Variants in TLE1 observed in about 807,000 individuals in gnomAD.
TLE1 encodes TLE family member 1, transcriptional corepressor, also known as transducin-like enhancer protein 1.
In TLE1, 21 loss-of-function variants were observed where a neutral mutation model predicts 89.8. That is an observed-to-expected ratio of 0.23 (90% confidence interval 0.17 to 0.34). The LOEUF (loss-of-function observed/expected upper bound fraction) is 0.34, where lower values mean the gene tolerates loss of function less well. Among genes scored for constraint, TLE1 ranks in the 10% least tolerant of loss-of-function variants. The pLI, the probability that TLE1 is intolerant of heterozygous loss-of-function variation, is 1.00. For synonymous variants in TLE1, 447 were observed against 407.6 expected (o/e 1.10, Z -1.16); for missense variants, 795 against 1,031.2 (o/e 0.77, Z 3.14).
rs35060460 is a variant in TLE1, at chr9:81,675,698, G to GTTTTTTTTTTTTTTTTTTT, written c.234+9977_234+9978insAAAAAAAAAAAAAAAAAAA. ...AATTTTAGCATAAGGACTCACACTA[G>GTTTTTTTTTTTTTTTTTTT]TTTTTTTTTGTTTTTTTTTTTGAGA... On this transcript the variant is annotated intron_variant, in intron 4 of 19. Transcript: ENST00000376499. 3.8e-3 allele frequency among the ~76,000 whole-genome samples: 486 copies of GTTTTTTTTTTTTTTTTTTT among 129,498 alleles called. 76 individuals carry two copies. Among genetic ancestry groups the GTTTTTTTTTTTTTTTTTTT allele is most frequent in the African/African-American group, 0.012 (372 of 30,308 alleles). 85.0% of individuals were successfully genotyped at this position (129,498 alleles called of 152,430 possible).
intron 5 of TLE1, among the ~76,000 whole-genome samples, chr9:81,652,943 T>TC (rs1438361877): frequency 3.9e-5 from 6 of 151,906 alleles, no homozygotes; most frequent in Non-Finnish European, 1.5e-5. Context: ...TTCTTTACCC[T>TC]CCACAAGGCA....
intron 15 of TLE1, among the ~76,000 whole-genome samples, chr9:81,592,405 G>T (rs72747234): frequency 0.076 from 11,556 of 152,254 alleles, 517 homozygotes; most frequent in Middle Eastern, 0.15. Context: ...CATGTTTTAT[G>T]TCCCTGAAAA....
intron 14 of TLE1, among the ~76,000 whole-genome samples, chr9:81,608,494 A>ACG (rs952569576): frequency 1.8e-4 from 27 of 152,218 alleles, no homozygotes; most frequent in African/African-American, 6.3e-4. Context: ...AGCCTGGGCA[A>ACG]CAGAGCAAGA....
intron 5 of TLE1, among the ~76,000 whole-genome samples, chr9:81,653,073 CAT>C: frequency 6.6e-6 from 1 of 152,282 alleles, no homozygotes; most frequent in South Asian, 2.1e-4. Flanking sequence ...GAGAATGTAA[CAT>C]AGAGCCGTGG....
chr9:81,658,090 T>G, intron 4 of TLE1, among the ~76,000 whole-genome samples: 1 of 151,608 alleles, frequency 6.6e-6, no homozygotes, highest in Admixed American at 6.6e-5. Context: ...TTTTGTATTT[T>G]TAGTAAAGAC....
intron 16 of TLE1, among the ~76,000 whole-genome samples, chr9:81,589,362 T>C (rs1829112780): frequency 6.6e-6 from 1 of 152,194 alleles, no homozygotes; most frequent in African/African-American, 2.4e-5. Context: ...AGGCACATCC[T>C]ATGACTGTTC....
At chr9:81,671,179 G>C (rs183005033) in intron 4 of TLE1, among the ~76,000 whole-genome samples, 3 of 151,626 alleles carry the variant, frequency 2.0e-5, no homozygotes, top group Non-Finnish European at 4.4e-5. Flanking sequence ...AAACAAAAAA[G>C]AAACAAGGAT....
At chr9:81,632,023 G>C (rs1307934063) in intron 8 of TLE1, among the ~76,000 whole-genome samples, 1 of 152,120 alleles carries the variant, frequency 6.6e-6, no homozygotes, top group Non-Finnish European at 1.5e-5. Flanking sequence ...CCAGGAGGCG[G>C]AGGTTGCAGT....
rs1588292509 is a variant in TLE1 at position 81,688,131 on chromosome 9, C to T, written c.24+86G>A. The T allele has an allele frequency of 4.5e-6, 7 of 1,550,146 alleles. No homozygotes were observed. The Admixed American group carries it at 1.1e-4, about 23-fold the overall frequency. On this transcript the variant is annotated intron_variant, in intron 1 of 19. Coordinates refer to ENST00000376499, the MANE Select transcript of TLE1 (RefSeq NM_005077.5). ...CTGAGGGCGAGAAGGTCCGCCGGGCCTCAGAAGCCACCAGTCTCCCTACCG... is the reference window on the plus strand; with the variant it reads ...CTGAGGGCGAGAAGGTCCGCCGGGCTTCAGAAGCCACCAGTCTCCCTACCG...
intron 4 of TLE1, among the ~76,000 whole-genome samples, chr9:81,677,224 C>T (rs918954096): frequency 7.3e-5 from 11 of 149,740 alleles, no homozygotes; most frequent in South Asian, 2.1e-4. Flanking sequence ...GGAGACAGAA[C>T]GAGACTCGTC....
rs1828014643 is a variant in TLE1 at position 81,584,181 on chromosome 9, T to A, written c.*17A>T. The A allele has an allele frequency of 6.2e-7, 1 of 1,604,134 alleles. No individual in the cohort carries two copies. Among genetic ancestry groups the A allele is most frequent in the African/African-American group, 1.3e-5 (1 of 74,720 alleles). ...TTTGGCCCAATTCAACTATAAACGT[T>A]AAACCACATAATGTTTTCAGTAGAT... On this transcript the variant is annotated 3_prime_UTR_variant, in exon 20 of 20. Coordinates refer to ENST00000376499, the MANE Select transcript of TLE1 (RefSeq NM_005077.5).
At chr9:81,655,104 G>A (rs1588138139) in intron 4 of TLE1, among the ~76,000 whole-genome samples, 2 of 152,072 alleles carry the variant, frequency 1.3e-5, no homozygotes, top group African/African-American at 2.4e-5. Flanking sequence ...GGTGGCTCGC[G>A]CCTGTAATCC....
intron 14 of TLE1, among the ~76,000 whole-genome samples, chr9:81,598,544 C>G (rs1830512381): frequency 6.6e-6 from 1 of 152,140 alleles, no homozygotes; most frequent in African/African-American, 2.4e-5. Flanking sequence ...AGGATCAGAA[C>G]ACCACAAGCT....
In TLE1 at chr9:81,611,761, C is replaced by A. The variant is rs753188701; in HGVS notation, c.1254+8G>T. On this transcript the variant is annotated splice_region_variant and intron_variant, in intron 13 of 19. Transcript: ENST00000376499. The stretch of plus-strand genomic sequence containing the variant: ...ACCCCAACCACAGCCCACCCGACAG[C>A]GGCCTACCATGGGGGAGCGCCCGTA... 20 of 1,510,248 alleles carry A rather than the reference C, an allele frequency of 1.3e-5. No individual in the cohort carries two copies. Among genetic ancestry groups the A allele is most frequent in the Non-Finnish European group, 1.8e-5 (20 of 1,138,216 alleles). 93.6% of individuals were successfully genotyped at this position (1,510,248 alleles called of 1,614,324 possible). A position where few individuals can be genotyped will look rare whatever the true frequency, so the allele number is the denominator to read the frequency against.
intron 8 of TLE1, among the ~76,000 whole-genome samples, chr9:81,628,926 C>T (rs576820011): frequency 1.3e-5 from 2 of 152,228 alleles, no homozygotes; most frequent in African/African-American, 2.4e-5. Context: ...CAAAAGAGCA[C>T]GGACCCACCC....
intron 10 of TLE1, 106 bp downstream of exon 10, chr9:81,616,540 A>C: frequency 3.5e-6 from 4 of 1,141,204 alleles, no homozygotes; most frequent in Non-Finnish European, 5.2e-6. Context: ...AAGTTGCAAG[A>C]GGTCCCCCCA....
intron 6 of TLE1, among the ~76,000 whole-genome samples, chr9:81,649,139 T>C (rs1450522260): frequency 6.6e-6 from 1 of 152,224 alleles, no homozygotes; most frequent in Admixed American, 6.5e-5. Context: ...AATATTTCAA[T>C]AGTCTCTCCA....
intron 8 of TLE1, among the ~76,000 whole-genome samples, chr9:81,622,810 A>C (rs1042945748): frequency 2.4e-4 from 36 of 152,112 alleles, no homozygotes; most frequent in African/African-American, 8.2e-4. Flanking sequence ...ATGCTGTAAA[A>C]CTGACTCAAA....
At chr9:81,632,464 G>A (rs938793934) in intron 8 of TLE1, among the ~76,000 whole-genome samples, 10 of 138,596 alleles carry the variant, frequency 7.2e-5, no homozygotes, top group Middle Eastern at 7.6e-3. Context: ...AGATTTAAAT[G>A]TTCAGTATCC....
Sources: allele counts gnomAD v4.1 joint callset (sites outside exome capture counted in the v4.1 genomes callset), GRCh38; gene constraint gnomAD v4.1.1; transcripts MANE v1.5; gene names NCBI Gene and HGNC (gene_info 2026-07-23, HGNC 2026-07-21).